The following P2RX2 variants were observed in gnomAD, a reference collection of about 807,000 sequenced individuals.
P2RX2 encodes the protein purinergic receptor P2X 2, also known as P2X purinoceptor 2.
In P2RX2, 50 loss-of-function variants were observed where a neutral mutation model predicts 54.8. The observed-to-expected ratio is 0.91, with a 90% CI of 0.73 to 1.15. The LOEUF (loss-of-function observed/expected upper bound fraction) is 1.15, where lower values mean the gene tolerates loss of function less well. Ranked by LOEUF, P2RX2 falls within the 50% of genes most tolerant of loss-of-function variation. The pLI is 0.00. For synonymous variants in P2RX2, 289 were observed against 259.4 expected (o/e 1.11, Z -1.09); for missense variants, 658 against 633.2 (o/e 1.04, Z -0.42).
At position 132,619,225 on chromosome 12, in the gene P2RX2, GCGGGGC is replaced by G. The variant is rs2138351749; in HGVS notation, c.174-213_174-208del. Among the ~76,000 whole-genome samples, 6 of 30,354 alleles carry G rather than the reference GCGGGGC, an allele frequency of 2.0e-4. No individual in the cohort carries two copies. The South Asian group carries it at 2.7e-3, about 14-fold the overall frequency. The allele number at this position is 30,354 out of a possible 152,430, so 19.9% of individuals were successfully genotyped here. ...GGACTCGGGGTGCTGGGCTGGAGGC[GCGGGGC>G]TGGGGCTGGGACCAGGGGCGCGGGG... On this transcript the variant is annotated intron_variant, in intron 1 of 10. Transcript: ENST00000643471.
intron 7 of P2RX2, among the ~76,000 whole-genome samples, 188 bp downstream of exon 7, chr12:132,620,771 C>T (rs1374964750): frequency 6.6e-6 from 1 of 152,236 alleles, no homozygotes; most frequent in East Asian, 1.9e-4. Context: ...GGCCATGGGG[C>T]TGGCTGCTGG....
chr12:132,620,248 C>A lies in P2RX2; in HGVS notation c.555-19C>A. The A allele has an allele frequency of 6.2e-7, 1 of 1,608,336 alleles. No individual in the cohort carries two copies. The highest frequency in any genetic ancestry group is 8.5e-7 in the Non-Finnish European group (1 of 1,174,772). On this transcript the variant is annotated intron_variant, in intron 5 of 10. Coordinates refer to ENST00000643471, the MANE Select transcript of P2RX2 (RefSeq NM_170682.4). ...TTTGCGGGAAGAGGGGACTAAACAA[C>A]CCTTCTGTGCCTCCTCAGCCAATTT...
In P2RX2 at chr12:132,618,952, C is replaced by A. The variant is rs774203714; in HGVS notation, c.136C>A (p.Arg46Ser). 3.8e-6 allele frequency: 5 copies of A among 1,298,876 alleles called. No homozygotes were observed. Among genetic ancestry groups the A allele is most frequent in the South Asian group, 2.7e-5 (1 of 37,696 alleles). 80.5% of individuals were successfully genotyped at this position (1,298,876 alleles called of 1,614,324 possible). ...VRNRRLGVLY[R>S]AVQLLILLYF... ...GAACCGGCGCCTGGGGGTCCTGTAC[C>A]GCGCCGTGCAGCTGCTCATCCTGCT... Residue 46 changes from arginine to serine, a missense_variant, in exon 1 of 11, where the codon CGC (arginine) becomes AGC (serine). Transcript: ENST00000643471.
chr12:132,620,261 C>A lies in P2RX2; in HGVS notation c.555-6C>A. 6.2e-7 allele frequency: 1 copy of A among 1,613,394 alleles called. No homozygotes were observed. The highest frequency in any genetic ancestry group is 1.7e-5 in the Admixed American group (1 of 60,034). Reference sequence around the variant, plus strand: ...GGGACTAAACAACCCTTCTGTGCCTCCTCAGCCAATTTCTGGGTACGATGG... The same window carrying A: ...GGGACTAAACAACCCTTCTGTGCCTACTCAGCCAATTTCTGGGTACGATGG... On this transcript the variant is annotated splice_region_variant and splice_polypyrimidine_tract_variant and intron_variant, in intron 5 of 10. Transcript: ENST00000643471.
rs753984422 is a variant in P2RX2, at chr12:132,619,000, CGCGGGGTGCGGGGCGCGGGGT to C, written c.173+18_173+38del. 5 of 162,412 alleles carry C rather than the reference CGCGGGGTGCGGGGCGCGGGGT, an allele frequency of 3.1e-5. No homozygotes were observed. The highest frequency in any genetic ancestry group is 7.6e-4 in the African/African-American group (1 of 1,310). The allele number at this position is 162,412 out of a possible 1,614,324, so 10.1% of individuals were successfully genotyped here. ...GCTCTACTTCGTGTGGTGCGCGGGG[CGCGGGGTGCGGGGCGCGGGGT>C]GCGGGGCGCAGGGGAGGGGCTGGGA... On this transcript the variant is annotated intron_variant, in intron 1 of 10. Transcript: ENST00000643471.
chr12:132,620,072 C>G lies in P2RX2; in HGVS notation c.530C>G (p.Pro177Arg), dbSNP rs1243244611. Residue 177 changes from proline to arginine, a missense_variant, in exon 5 of 11, where the codon CCG (proline) becomes CGG (arginine). Pro to Arg is a moderately radical substitution (Grantham distance 103, BLOSUM62 -2). Coordinates refer to ENST00000643471, the MANE Select transcript of P2RX2 (RefSeq NM_170682.4). Reference sequence around the variant, plus strand: ...ACCTGCGAGGTGTTCGGCTGGTGCCCGGTGGAAGATGGGGCCTCTGTCAGG... The same window carrying G: ...ACCTGCGAGGTGTTCGGCTGGTGCCGGGTGGAAGATGGGGCCTCTGTCAGG... ...SKTCEVFGWC[P>R]VEDGASVSQF... 1 of 1,585,424 alleles carries G rather than the reference C, an allele frequency of 6.3e-7. No individual in the cohort carries two copies. Among genetic ancestry groups the G allele is most frequent in the Non-Finnish European group, 8.6e-7 (1 of 1,167,292 alleles).
In P2RX2 at chr12:132,621,298, C is replaced by T; in HGVS notation, c.949C>T (p.Leu317Phe). The change falls in exon 9 of 11, where the codon CTC becomes TTC. Residue 317 changes from leucine to phenylalanine, a missense_variant. Transcript: ENST00000643471. The stretch of plus-strand genomic sequence containing the variant: ...GATCAATGGCACCACCACCCGCACG[C>T]TCATCAAGGCCTACGGGATCCGCAT... The part of the protein sequence containing the change: ...YKINGTTTRT[L>F]IKAYGIRIDV... 6.2e-7 allele frequency: 1 copy of T among 1,614,066 alleles called. No individual in the cohort carries two copies. Among genetic ancestry groups the T allele is most frequent in the Non-Finnish European group, 8.5e-7 (1 of 1,179,986 alleles).
In P2RX2 at chr12:132,622,034, G is replaced by A; in HGVS notation, c.*62G>A. The A allele has an allele frequency of 6.2e-7, 1 of 1,606,520 alleles. No homozygotes were observed. Among genetic ancestry groups the A allele is most frequent in the Non-Finnish European group, 8.5e-7 (1 of 1,177,072 alleles). ...GGTGGGGCCAGAGAGTCCCCAGCTA[G>A]GGACCTGCACGTGGACGTGGGCACC... is the stretch of plus-strand genomic sequence containing the variant. On this transcript the variant is annotated 3_prime_UTR_variant, in exon 11 of 11. Transcript: ENST00000643471.
chr12:132,621,228 G>T, intron 8 of P2RX2, 27 bp from the exon 9 acceptor site: 1 of 1,613,942 alleles, frequency 6.2e-7, no homozygotes, highest in Non-Finnish European at 8.5e-7. Context: ...TGCAGAGGAC[G>T]AGTGGGCACT....
At position 132,619,509 on chromosome 12, in the gene P2RX2, G is replaced by A. The variant is rs1231060654; in HGVS notation, c.244G>A (p.Val82Ile). The change falls in exon 2 of 11, where the codon GTC becomes ATC. Residue 82 changes from valine (V) to isoleucine (I), a missense_variant. Coordinates refer to ENST00000643471, the MANE Select transcript of P2RX2 (RefSeq NM_170682.4). Reference protein sequence around the residue: ...TGPESSIITKVKGITTSEHKV... With the variant: ...TGPESSIITKIKGITTSEHKV... ...CCCCGAGAGCTCCATCATCACCAAG[G>A]TCAAGGGGATCACCACGTCCGAGCA... 1.2e-6 allele frequency: 2 copies of A among 1,612,620 alleles called. No individual in the cohort carries two copies. Among genetic ancestry groups the A allele is most frequent in the Non-Finnish European group, 1.7e-6 (2 of 1,179,452 alleles).
rs199750251 is a variant in P2RX2 at position 132,622,010 on chromosome 12, G to T, written c.*38G>T. On this transcript the variant is annotated 3_prime_UTR_variant, in exon 11 of 11. Transcript: ENST00000643471. Reference sequence around the variant, plus strand: ...CTCACTGGACTGCAGACCCGGCCTGGTGGGGCCAGAGAGTCCCCAGCTAGG... The same window carrying T: ...CTCACTGGACTGCAGACCCGGCCTGTTGGGGCCAGAGAGTCCCCAGCTAGG... The T allele has an allele frequency of 1.9e-5, 31 of 1,611,846 alleles. No homozygotes were observed. In the East Asian group the frequency reaches 6.5e-4, roughly 34 times the overall value.
intron 1 of P2RX2, among the ~76,000 whole-genome samples, 153 bp downstream of exon 1, chr12:132,619,142 GGGCTGGGATT>G: frequency 9.2e-6 from 1 of 108,380 alleles, no homozygotes; most frequent in East Asian, 3.0e-4. Flanking sequence ...CGCGGGGCAG[GGGCTGGGATT>G]GGGGGCGCGG....
chr12:132,618,859 C>G lies in P2RX2; in HGVS notation c.43C>G (p.Arg15Gly). ...QPKYPAGATA[R>G]RLARGCWSAL... ...CAAGTACCCCGCCGGGGCGACCGCC[C>G]GGCGCCTGGCCCGGGGCTGCTGGTC... Residue 15 changes from arginine to glycine, a missense_variant, in exon 1 of 11, where the codon CGG (arginine) becomes GGG (glycine). Transcript: ENST00000643471. The G allele has an allele frequency of 1.5e-6, 2 of 1,370,340 alleles. No homozygotes were observed. The highest frequency in any genetic ancestry group is 1.9e-6 in the Non-Finnish European group (2 of 1,055,334). The allele number at this position is 1,370,340 out of a possible 1,614,324, so 84.9% of individuals were successfully genotyped here.
In P2RX2 at chr12:132,621,479, G is replaced by A. The variant is rs771356090; in HGVS notation, c.1001G>A (p.Gly334Glu). ...RIDVIVHGQA[G>E]KFSLIPTIIN... ...CACGACCCCCATTCTCCCCAGGCCG[G>A]GAAGTTCAGCCTGATTCCCACCATT... The change falls in exon 10 of 11, where the codon GGG (glycine) becomes GAG (glutamate). Residue 334 changes from glycine to glutamate, a missense_variant. Physicochemically the swap from Gly to Glu is moderately conservative, Grantham distance 98. Transcript: ENST00000643471. The A allele has an allele frequency of 2.7e-5, 43 of 1,565,112 alleles. 1 individual carries two copies. In the East Asian group the frequency reaches 5.6e-4, roughly 20 times the overall value.
chr12:132,620,189 TGG>T, intron 5 of P2RX2, 76 bp from the exon 6 acceptor site: 1 of 1,472,234 alleles, frequency 6.8e-7, no homozygotes, highest in Non-Finnish European at 9.4e-7. Flanking sequence ...TGACAAGATC[TGG>T]GGAGGGGTGG....
Position 132,618,844 on chromosome 12 carries a change from G to C in P2RX2, c.28G>C (p.Ala10Pro). 7.4e-7 allele frequency: 1 copy of C among 1,347,768 alleles called. No individual in the cohort carries two copies. The highest frequency in any genetic ancestry group is 9.6e-7 in the Non-Finnish European group (1 of 1,043,150). 83.5% of individuals were successfully genotyped at this position (1,347,768 alleles called of 1,614,324 possible). Residue 10 changes from alanine to proline, a missense_variant, in exon 1 of 11, where the codon GCC becomes CCC. Physicochemically the swap from Ala to Pro is conservative, Grantham distance 27. Transcript: ENST00000643471. MAAAQPKYP[A>P]GATARRLARG... Reference sequence around the variant, plus strand: ...GGCCGCCGCCCAGCCCAAGTACCCCGCCGGGGCGACCGCCCGGCGCCTGGC... The same window carrying C: ...GGCCGCCGCCCAGCCCAAGTACCCCCCCGGGGCGACCGCCCGGCGCCTGGC...
intron 1 of P2RX2, 32 bp downstream of exon 1, chr12:132,619,021 TGCGGGGC>T (rs770514192): frequency 1.2e-5 from 11 of 954,014 alleles, no homozygotes; most frequent in South Asian, 4.6e-5. Context: ...GGGCGCGGGG[TGCGGGGC>T]GCAGGGGAGG....
chr12:132,620,595 G>A lies in P2RX2; in HGVS notation c.774+12G>A, dbSNP rs749632448. 13 of 1,610,872 alleles carry A rather than the reference G, an allele frequency of 8.1e-6. No individual in the cohort carries two copies. Among genetic ancestry groups the A allele is most frequent in the South Asian group, 1.1e-5 (1 of 91,064 alleles). Reference sequence around the variant, plus strand: ...AGCTCGCACACAAGGCAGGGCAAGCGCAGGCAGGGTGGGGCCAGGGTGGGC... The same window carrying A: ...AGCTCGCACACAAGGCAGGGCAAGCACAGGCAGGGTGGGGCCAGGGTGGGC... On this transcript the variant is annotated intron_variant, in intron 7 of 10. Transcript: ENST00000643471.
At chr12:132,621,185 G>C (rs562797244) in intron 8 of P2RX2, 54 bp downstream of exon 8, 1 of 1,613,858 alleles carries the variant, frequency 6.2e-7, no homozygotes, top group South Asian at 1.1e-5. Flanking sequence ...GTGGGGTCCC[G>C]AGAGGCCCAA....
Sources: allele counts gnomAD v4.1 joint callset (sites outside exome capture counted in the v4.1 genomes callset), GRCh38; gene constraint gnomAD v4.1.1; transcripts MANE v1.5; gene names NCBI Gene and HGNC (gene_info 2026-07-23, HGNC 2026-07-21).